Variants in CDH7 observed in about 807,000 individuals in gnomAD.
CDH7 encodes cadherin 7.
A neutral mutation model predicts 71.8 loss-of-function variants in CDH7; 25 were observed. The observed-to-expected ratio is 0.35, with a 90% CI of 0.25 to 0.49. The LOEUF (loss-of-function observed/expected upper bound fraction) is 0.49, where lower values mean the gene tolerates loss of function less well. Among genes scored for constraint, CDH7 ranks in the 20% least tolerant of loss-of-function variants. The pLI, the probability that CDH7 is intolerant of heterozygous loss-of-function variation, is 0.99. For synonymous variants in CDH7, 381 were observed against 363.8 expected (o/e 1.05, Z -0.54); for missense variants, 862 against 974.6 (o/e 0.88, Z 1.54).
At position 65,835,900 on chromosome 18, in the gene CDH7, C is replaced by T. The variant is rs369006452; in HGVS notation, c.982-7912C>T. 7.2e-5 allele frequency among the ~76,000 whole-genome samples: 11 copies of T among 152,182 alleles called. 1 individual carries two copies. Among genetic ancestry groups the T allele is most frequent in the African/African-American group, 2.6e-4 (11 of 41,524 alleles). On this transcript the variant is annotated intron_variant, in intron 6 of 11. Coordinates refer to ENST00000397968, the MANE Select transcript of CDH7 (RefSeq NM_004361.5). ...GAATTTTGGAAACGTGATTAAGTTA[C>T]GGAGCTTAATGGGAACATTATCCTG...
chr18:65,867,025 G>T (rs1459540910), intron 11 of CDH7, among the ~76,000 whole-genome samples: 12 of 143,340 alleles, frequency 8.4e-5, no homozygotes, highest in African/African-American at 3.0e-4. Context: ...AAGATACTCT[G>T]GTATTCTAAA....
intron 6 of CDH7, among the ~76,000 whole-genome samples, chr18:65,825,774 A>G (rs1005655396): frequency 2.6e-5 from 4 of 151,884 alleles, no homozygotes; most frequent in African/African-American, 9.7e-5. Flanking sequence ...CATTTCTGCA[A>G]TTATTTCCAG....
intron 11 of CDH7, among the ~76,000 whole-genome samples, chr18:65,864,889 T>TA (rs1191269381): frequency 0.025 from 2,114 of 85,890 alleles, 45 homozygotes; most frequent in East Asian, 0.041. Flanking sequence ...AGACTCCATC[T>TA]AAAAAAAAAA....
chr18:65,857,255 G>A (rs180868876), intron 7 of CDH7, among the ~76,000 whole-genome samples: 2 of 150,234 alleles, frequency 1.3e-5, no homozygotes, highest in Non-Finnish European at 3.0e-5. Context: ...GTCTGAGATG[G>A]AAGGGTCACT....
chr18:65,770,649 T>C (rs1192905620), intron 2 of CDH7, among the ~76,000 whole-genome samples: 1 of 152,192 alleles, frequency 6.6e-6, no homozygotes, highest in Non-Finnish European at 1.5e-5. Context: ...GATGTTCTTA[T>C]GTTAGAGTTC....
chr18:65,805,361 A>G (rs1290853731), intron 2 of CDH7, among the ~76,000 whole-genome samples: 1 of 152,212 alleles, frequency 6.6e-6, no homozygotes, highest in African/African-American at 2.4e-5. Context: ...GAACTAGTCC[A>G]GCATGCTTGG....
chr18:65,857,107 A>ACATGTTTC (rs1913387362), intron 7 of CDH7, among the ~76,000 whole-genome samples: 2 of 151,732 alleles, frequency 1.3e-5, no homozygotes, highest in East Asian at 3.9e-4. Flanking sequence ...CAAGATGTTT[A>ACATGTTTC]CATGTTTCAT....
chr18:65,758,728 AT>A (rs1468691472), intron 1 of CDH7, among the ~76,000 whole-genome samples: 1 of 152,234 alleles, frequency 6.6e-6, no homozygotes, highest in African/African-American at 2.4e-5. Context: ...CTTGAAAGTG[AT>A]TGTGACTTAT....
chr18:65,778,286 A>C (rs866847761), intron 2 of CDH7, among the ~76,000 whole-genome samples: 1 of 149,104 alleles, frequency 6.7e-6, no homozygotes, highest in South Asian at 2.1e-4. Context: ...AAAAAAAAAA[A>C]AAAAAAAAAA....
intron 10 of CDH7, 101 bp from the exon 11 acceptor site, chr18:65,862,565 C>A: frequency 8.5e-7 from 1 of 1,178,972 alleles, no homozygotes; most frequent in Non-Finnish European, 1.2e-6. Flanking sequence ...CAGAGATTTC[C>A]CTAATTAAGG....
At chr18:65,835,722 A>G (rs1393350925) in intron 6 of CDH7, among the ~76,000 whole-genome samples, 1 of 152,234 alleles carries the variant, frequency 6.6e-6, no homozygotes, top group Non-Finnish European at 1.5e-5. Context: ...GCAGAAATGC[A>G]GTCCTTTCCA....
chr18:65,767,818 G>A (rs7233602), intron 2 of CDH7, among the ~76,000 whole-genome samples: 2,798 of 152,090 alleles, frequency 0.018, 59 homozygotes, highest in Middle Eastern at 0.062. Context: ...TTATAATACT[G>A]CAATAAGCAA....
chr18:65,772,580 G>A (rs1334891205), intron 2 of CDH7, among the ~76,000 whole-genome samples: 1 of 152,088 alleles, frequency 6.6e-6, no homozygotes, highest in Non-Finnish European at 1.5e-5. Context: ...CAAAGAAATA[G>A]ATGAAAATTA....
At chr18:65,789,779 G>T (rs1042902554) in intron 2 of CDH7, among the ~76,000 whole-genome samples, 7 of 152,114 alleles carry the variant, frequency 4.6e-5, no homozygotes, top group African/African-American at 1.7e-4. Context: ...AGAGGGAAAG[G>T]AGGTGGGGAG....
chr18:65,760,808 A>G (rs755265107), intron 1 of CDH7, among the ~76,000 whole-genome samples: 5 of 152,096 alleles, frequency 3.3e-5, no homozygotes, highest in Non-Finnish European at 5.9e-5. Context: ...TTCTCATCTC[A>G]TCACTGGACT....
chr18:65,890,072 C>G lies in CDH7; in HGVS notation c.*9178C>G, dbSNP rs1300366906. 6.6e-6 allele frequency: 1 copy of G among 152,100 alleles called. No individual in the cohort carries two copies. The highest frequency in any genetic ancestry group is 1.5e-5 in the Non-Finnish European group (1 of 68,032). 9.4% of individuals were successfully genotyped at this position (152,100 alleles called of 1,614,324 possible). A position where few individuals can be genotyped will look rare whatever the true frequency, so the allele number is the denominator to read the frequency against. ...ATACTGGAATTACAGGTGTGAGTCACCATGCCAGGTGTCTCCCATTTTTTA... is the reference window on the plus strand; with the variant it reads ...ATACTGGAATTACAGGTGTGAGTCAGCATGCCAGGTGTCTCCCATTTTTTA... On this transcript the variant is annotated 3_prime_UTR_variant, in exon 12 of 12. Transcript: ENST00000397968.
intron 1 of CDH7, among the ~76,000 whole-genome samples, chr18:65,751,805 G>A (rs1204267921): frequency 6.6e-6 from 1 of 152,180 alleles, no homozygotes; most frequent in African/African-American, 2.4e-5. Flanking sequence ...TGAATGCATG[G>A]TGGACTTCTT....
intron 7 of CDH7, among the ~76,000 whole-genome samples, chr18:65,851,250 G>T (rs1843187): frequency 0.62 from 94,612 of 151,922 alleles, 31,253 homozygotes; most frequent in East Asian, 0.93. Flanking sequence ...AAACCTGTAC[G>T]ATCCTTACAG....
chr18:65,766,759 G>A (rs915328907), intron 2 of CDH7, among the ~76,000 whole-genome samples: 9 of 151,374 alleles, frequency 5.9e-5, no homozygotes, highest in Non-Finnish European at 1.0e-4. Context: ...CACCCCTCCC[G>A]TGGCTATTCA....
Sources: allele counts gnomAD v4.1 joint callset (sites outside exome capture counted in the v4.1 genomes callset), GRCh38; gene constraint gnomAD v4.1.1; transcripts MANE v1.5; gene names NCBI Gene and HGNC (gene_info 2026-07-23, HGNC 2026-07-21).